MSRA: variants seen among roughly 807,000 people sequenced by gnomAD.
The protein encoded by MSRA is methionine sulfoxide reductase A.
MSRA carries 54 observed loss-of-function variants against 31.3 expected under a neutral mutation model. The observed-to-expected ratio is 1.73, with a 90% confidence interval of 1.39 to 2.17. MSRA has a LOEUF of 2.17. Among genes scored for constraint, MSRA ranks in the 30% most tolerant of loss-of-function variants. The pLI, the probability that MSRA is intolerant of heterozygous loss-of-function variation, is 0.00. For synonymous variants in MSRA, 169 were observed against 116.5 expected, an observed-to-expected ratio of 1.45 and a Z score of -2.90; for missense variants, 507 against 300.9, an observed-to-expected ratio of 1.69 and a Z score of -5.07.
Position 10,228,365 on chromosome 8 carries a change from C to G in MSRA, c.212-16739C>G, listed in dbSNP as rs116646833. Among the ~76,000 whole-genome samples, 1,027 of 152,308 alleles carry G rather than the reference C, an allele frequency of 6.7e-3. 10 individuals carry two copies. The highest frequency in any genetic ancestry group is 0.024 in the African/African-American group (983 of 41,556). On this transcript the variant is annotated intron_variant, in intron 2 of 5. Coordinates refer to ENST00000317173, the MANE Select transcript of MSRA (RefSeq NM_012331.5). ...GTTTGCTGTTTCTGTGCCCCTGACT[C>G]TACGTGTACTTTATTGATATCCAGT...
chr8:10,228,525 C>T (rs1192068137), intron 2 of MSRA, among the ~76,000 whole-genome samples: 1 of 152,212 alleles, frequency 6.6e-6, no homozygotes, highest in Non-Finnish European at 1.5e-5. Flanking sequence ...GATCCCACAG[C>T]ACCATCCTTC....
At chr8:10,189,288 G>A (rs966526608) in intron 1 of MSRA, among the ~76,000 whole-genome samples, 1 of 152,034 alleles carries the variant, frequency 6.6e-6, no homozygotes, top group Non-Finnish European at 1.5e-5. Context: ...CAATCATGTT[G>A]TCTGCGTATA....
At chr8:10,391,247 T>G (rs1462115842) in intron 5 of MSRA, among the ~76,000 whole-genome samples, 1 of 152,210 alleles carries the variant, frequency 6.6e-6, no homozygotes, top group African/African-American at 2.4e-5. Context: ...AAAAGAGGTT[T>G]ATTTCTCATT....
At chr8:10,128,396 T>G (rs902960625) in intron 1 of MSRA, among the ~76,000 whole-genome samples, 2 of 152,056 alleles carry the variant, frequency 1.3e-5, no homozygotes, top group African/African-American at 4.8e-5. Context: ...AAAAAAAAAT[T>G]CTGTCTAAAT....
At chr8:10,140,556 T>C (rs1802613494) in intron 1 of MSRA, among the ~76,000 whole-genome samples, 1 of 152,248 alleles carries the variant, frequency 6.6e-6, no homozygotes, top group Non-Finnish European at 1.5e-5. Context: ...AAGGGCCTGA[T>C]ATTACAAGCA....
chr8:10,341,400 T>C (rs1466937022), intron 5 of MSRA, among the ~76,000 whole-genome samples: 3 of 152,104 alleles, frequency 2.0e-5, no homozygotes, highest in African/African-American at 4.8e-5. Flanking sequence ...TCCTGTGCAC[T>C]TAGAGTGAAA....
chr8:10,301,689 G>T (rs1563327168), intron 4 of MSRA, 51 bp downstream of exon 4: 2 of 1,428,254 alleles, frequency 1.4e-6, no homozygotes, highest in African/African-American at 2.8e-5. Flanking sequence ...TTACAGCTGG[G>T]ATAATTAGTG....
chr8:10,229,363 G>A (rs1387924950), intron 2 of MSRA, among the ~76,000 whole-genome samples: 1 of 152,200 alleles, frequency 6.6e-6, no homozygotes, highest in African/African-American at 2.4e-5. Flanking sequence ...TTATGCTTGA[G>A]AAATGGAGAA....
At chr8:10,245,684 T>C (rs1797588180) in intron 3 of MSRA, among the ~76,000 whole-genome samples, 1 of 152,186 alleles carries the variant, frequency 6.6e-6, no homozygotes, top group Non-Finnish European at 1.5e-5. Flanking sequence ...GTAATGGGGA[T>C]GATGGACCAT....
At chr8:10,257,782 G>C (rs1585293690) in intron 3 of MSRA, among the ~76,000 whole-genome samples, 1 of 152,144 alleles carries the variant, frequency 6.6e-6, no homozygotes, top group African/African-American at 2.4e-5. Context: ...TTTAGAAGGA[G>C]ACTTGCCTTG....
At chr8:10,384,388 C>T (rs1806259033) in intron 5 of MSRA, among the ~76,000 whole-genome samples, 1 of 152,208 alleles carries the variant, frequency 6.6e-6, no homozygotes, top group South Asian at 2.1e-4. Flanking sequence ...AGACCAGTGT[C>T]AATAAAGCCC....
At chr8:10,169,536 A>G (rs1020038249) in intron 1 of MSRA, among the ~76,000 whole-genome samples, 1 of 152,246 alleles carries the variant, frequency 6.6e-6, no homozygotes, top group Non-Finnish European at 1.5e-5. Flanking sequence ...AACATTGGCA[A>G]AAATCTCTGT....
intron 3 of MSRA, among the ~76,000 whole-genome samples, chr8:10,293,624 A>C (rs558542204): frequency 6.6e-6 from 1 of 152,334 alleles, no homozygotes; most frequent in South Asian, 2.1e-4. Flanking sequence ...GACAGCGAAG[A>C]AAGGTCCGAC....
At chr8:10,358,273 G>T (rs1804626770) in intron 5 of MSRA, among the ~76,000 whole-genome samples, 1 of 152,154 alleles carries the variant, frequency 6.6e-6, no homozygotes, top group Non-Finnish European at 1.5e-5. Flanking sequence ...TAAAGATACA[G>T]AATTAGAATA....
chr8:10,342,860 A>G (rs548224477), intron 5 of MSRA, among the ~76,000 whole-genome samples: 2 of 152,338 alleles, frequency 1.3e-5, no homozygotes, highest in Non-Finnish European at 2.9e-5. Context: ...TTCCAATCCC[A>G]GCTCTGCCAC....
chr8:10,292,320 T>C (rs1348202194), intron 3 of MSRA, among the ~76,000 whole-genome samples: 1 of 152,332 alleles, frequency 6.6e-6, no homozygotes, highest in South Asian at 2.1e-4. Flanking sequence ...CATACGTCTT[T>C]ATTAACATCA....
chr8:10,149,652 C>G (rs1174324909), intron 1 of MSRA, among the ~76,000 whole-genome samples: 1 of 151,908 alleles, frequency 6.6e-6, no homozygotes, highest in Admixed American at 6.6e-5. Context: ...TACCTTCTGT[C>G]TGTGGACAGT....
At position 10,168,944 on chromosome 8, in the gene MSRA, T is replaced by C. The variant is rs529428760; in HGVS notation, c.143-38889T>C. On this transcript the variant is annotated intron_variant, in intron 1 of 5. Transcript: ENST00000317173. ...CAGGCATGTGTAGATACTCATGATA[T>C]AAAGATTGAGTTGTTACTAATCACT... Among the ~76,000 whole-genome samples, 76 of 152,100 alleles carry C rather than the reference T, an allele frequency of 5.0e-4. 1 individual carries two copies. Among genetic ancestry groups the C allele is most frequent in the Non-Finnish European group, 9.9e-4 (67 of 68,004 alleles).
At chr8:10,220,969 C>T (rs546590518) in intron 2 of MSRA, among the ~76,000 whole-genome samples, 4 of 152,322 alleles carry the variant, frequency 2.6e-5, no homozygotes, top group South Asian at 2.1e-4. Flanking sequence ...AACCCTTTCC[C>T]GTTCCTTGCT....
Sources: gnomAD v4.1 joint callset for allele counts (sites outside exome capture counted in the v4.1 genomes callset) on GRCh38, gnomAD v4.1.1 for gene constraint, MANE v1.5 for transcripts, NCBI Gene and HGNC (gene_info 2026-07-23, HGNC 2026-07-21) for gene names.